The following TSPYL2 variants were observed in gnomAD, a reference collection of about 807,000 sequenced individuals.
The protein encoded by TSPYL2 is testis-specific Y-encoded-like protein 2.
In TSPYL2, 9 loss-of-function variants were observed where a neutral mutation model predicts 33.0. That is an observed-to-expected ratio of 0.27 (90% CI 0.16 to 0.48). The LOEUF (loss-of-function observed/expected upper bound fraction) is 0.48. Among genes scored for constraint, TSPYL2 ranks in the 20% least tolerant of loss-of-function variants. The pLI, the probability that TSPYL2 is intolerant of heterozygous loss-of-function variation, is 0.99. For missense variants in TSPYL2, 636 were observed against 586.2 expected, an observed-to-expected ratio of 1.08 and a Z score of -0.88; for synonymous variants, 330 against 233.6, an observed-to-expected ratio of 1.41 and a Z score of -3.77.
At position 53,086,102 on chromosome X, in the gene TSPYL2, TGATGAA is replaced by T; in HGVS notation, c.1714_1719del (p.Glu572_Asp573del). ...ACAATGAAGCAGATGAGGCCAGTGA[TGATGAA>T]GATAATGATGGCAACGAAGGTGACA... On this transcript the variant is annotated inframe_deletion, in exon 6 of 7. Transcript: ENST00000375442. 1 of 1,176,418 alleles carries T rather than the reference TGATGAA, an allele frequency of 8.5e-7. No individual in the cohort carries two copies. The highest frequency in any genetic ancestry group is 1.1e-6 in the Non-Finnish European group (1 of 877,816).
chrX:53,082,446 C>T lies in TSPYL2; in HGVS notation c.-53C>T. 3.7e-6 allele frequency: 4 copies of T among 1,080,597 alleles called. No homozygotes were observed. The South Asian group carries it at 8.8e-5, about 24-fold the overall frequency. The allele number at this position is 1,080,597 out of a possible 1,213,427, so 89.1% of individuals were successfully genotyped here. On this transcript the variant is annotated 5_prime_UTR_variant, in exon 1 of 7. Transcript: ENST00000375442. The stretch of plus-strand genomic sequence containing the variant: ...GGTGCGACTAGCGGCAGCGACGCGG[C>T]TAAAAGCGAAGGGGCGAGTGCGAGT...
At position 53,087,597 on chromosome X, in the gene TSPYL2, GGCTT is replaced by G. The variant is rs782044782; in HGVS notation, c.1919-173_1919-170del. 1.0e-3 allele frequency: 461 copies of G among 442,917 alleles called. 4 individuals carry two copies. The South Asian group carries it at 0.017, about 16-fold the overall frequency. The allele number at this position is 442,917 out of a possible 1,213,427, so 36.5% of individuals were successfully genotyped here. A position where few individuals can be genotyped will look rare whatever the true frequency, so the allele number is the denominator to read the frequency against. On this transcript the variant is annotated intron_variant, in intron 6 of 6. Transcript: ENST00000375442. Reference sequence around the variant, plus strand: ...CCCTCCATCTCCCTCTCATTCTGTGGGCTTGCTTGAGTACACCCACACACACTCT... The same window carrying G: ...CCCTCCATCTCCCTCTCATTCTGTGGGCTTGAGTACACCCACACACACTCT...
chrX:53,085,374 T>G (rs1932743047), intron 5 of TSPYL2, 53 bp downstream of exon 5: 7 of 1,026,535 alleles, frequency 6.8e-6, no homozygotes, highest in Non-Finnish European at 8.1e-6. Context: ...GGGAAAAGAC[T>G]AGTGTAACAC....
At chrX:53,083,519 G>A (rs782161985) in intron 1 of TSPYL2, among the ~76,000 whole-genome samples, 3 of 107,555 alleles carry the variant, frequency 2.8e-5, no homozygotes, top group African/African-American at 1.0e-4. Context: ...GTGGTGGAGG[G>A]GGGGCGGACA....
rs782332912 is a variant in TSPYL2, at chrX:53,085,826, C to T, written c.1434C>T (p.Asp478=). Residue 478 remains aspartate (D), a synonymous_variant, in exon 6 of 7, where the codon GAC becomes GAT. Coordinates refer to ENST00000375442, the MANE Select transcript of TSPYL2 (RefSeq NM_022117.4). ...EITDINENIC[D]SENPDHNEVP... Reference sequence around the variant, plus strand: ...CTGACATCAATGAGAACATCTGCGACAGCGAGAATCCTGACCACAATGAGG... The same window carrying T: ...CTGACATCAATGAGAACATCTGCGATAGCGAGAATCCTGACCACAATGAGG... 1.6e-5 allele frequency: 19 copies of T among 1,211,599 alleles called. No homozygotes were observed. Among genetic ancestry groups the T allele is most frequent in the South Asian group, 5.3e-5 (3 of 56,943 alleles).
intron 1 of TSPYL2, among the ~76,000 whole-genome samples, 192 bp from the exon 2 acceptor site, chrX:53,084,353 G>A (rs1932704978): frequency 8.9e-6 from 1 of 111,876 alleles, no homozygotes; most frequent in African/African-American, 3.3e-5. Context: ...CACCCTGTAG[G>A]GCCACCTAAC....
rs1556808548 is a variant in TSPYL2 at position 53,086,021 on chromosome X, C to T, written c.1629C>T (p.Phe543=). 5 of 1,174,682 alleles carry T rather than the reference C, an allele frequency of 4.3e-6. No homozygotes were observed. The highest frequency in any genetic ancestry group is 5.7e-6 in the Non-Finnish European group (5 of 876,791). Reference sequence around the variant, plus strand: ...ACGAGAACACTTACGGCAACAACTTCTTCAAAGGTGGCTTCTGGGGCAGCC... The same window carrying T: ...ACGAGAACACTTACGGCAACAACTTTTTCAAAGGTGGCTTCTGGGGCAGCC... ...NNNENTYGNN[F]FKGGFWGSHG... The change falls in exon 6 of 7, where the codon TTC becomes TTT. Residue 543 remains phenylalanine, a synonymous_variant. Coordinates refer to ENST00000375442, the MANE Select transcript of TSPYL2 (RefSeq NM_022117.4).
chrX:53,085,031 G>T lies in TSPYL2; in HGVS notation c.1075G>T (p.Asp359Tyr). 8.3e-7 allele frequency: 1 copy of T among 1,211,645 alleles called. No homozygotes were observed. The change falls in exon 4 of 7, where the codon GAT (aspartate) becomes TAT (tyrosine). Residue 359 changes from aspartate (D) to tyrosine (Y), a missense_variant. Around this residue, in one of 3 missense-constraint regions of TSPYL2, gnomAD observed 401 missense variants for 363.0 expected, o/e 1.10. Transcript: ENST00000375442. ...CCAGGCCCGTCGTCACGGGAACCAG[G>T]ATGCGAGCCACAGCTTTTTCAGCTG... is the stretch of plus-strand genomic sequence containing the variant. ...EPQARRHGNQ[D>Y]ASHSFFSWFS... is the part of the protein sequence containing the mutation.
chrX:53,085,078 A>G lies in TSPYL2; in HGVS notation c.1122A>G (p.Pro374=). Residue 374 remains proline, a synonymous_variant, in exon 4 of 7, where the codon CCA becomes CCG. Coordinates refer to ENST00000375442, the MANE Select transcript of TSPYL2 (RefSeq NM_022117.4). ...GCTGGTTCTCAAACCATAGCCTCCC[A>G]GAGGCTGACAGGATTGCTGAGGTGG... ...FFSWFSNHSL[P]EADRIAEIIK... 1.7e-6 allele frequency: 2 copies of G among 1,208,902 alleles called. No homozygotes were observed. The highest frequency in any genetic ancestry group is 3.5e-5 in the South Asian group (2 of 56,543).
At position 53,082,879 on chromosome X, in the gene TSPYL2, C is replaced by T. The variant is rs782528598; in HGVS notation, c.381C>T (p.Ser127=). Residue 127 remains serine (S), a synonymous_variant, in exon 1 of 7, where the codon AGC becomes AGT. Coordinates refer to ENST00000375442, the MANE Select transcript of TSPYL2 (RefSeq NM_022117.4). ...CCACTCCTGAGGCCTCGGGGGGGAGCCTGGAAATCGATTTTCAGGTTGTAC... is the reference window on the plus strand; with the variant it reads ...CCACTCCTGAGGCCTCGGGGGGGAGTCTGGAAATCGATTTTCAGGTTGTAC... ...ALPTPEASGG[S]LEIDFQVVQS... is the part of the protein sequence containing the mutation. 17 of 1,208,204 alleles carry T rather than the reference C, an allele frequency of 1.4e-5. No homozygotes were observed. The South Asian group carries it at 2.7e-4, about 19-fold the overall frequency.
At chrX:53,087,296 G>A (rs1721987185) in intron 6 of TSPYL2, 1 of 94,532 alleles carries the variant, frequency 1.1e-5, no homozygotes, top group Non-Finnish European at 1.9e-5. Flanking sequence ...CCCACCTGAT[G>A]GCATCTCTTT....
intron 6 of TSPYL2, chrX:53,086,934 T>C (rs1367194846): frequency 1.7e-5 from 2 of 118,559 alleles, no homozygotes; most frequent in Admixed American, 8.1e-5. Flanking sequence ...TCCAAAATTA[T>C]GTCCTGAGGA....
At position 53,088,217 on chromosome X, in the gene TSPYL2, T is replaced by G; in HGVS notation, c.*278T>G. The G allele has an allele frequency of 1.6e-5, 5 of 307,573 alleles. No individual in the cohort carries two copies. Among genetic ancestry groups the G allele is most frequent in the South Asian group, 6.7e-5 (1 of 14,835 alleles). 25.3% of individuals were successfully genotyped at this position (307,573 alleles called of 1,213,427 possible). On this transcript the variant is annotated 3_prime_UTR_variant, in exon 7 of 7. Coordinates refer to ENST00000375442, the MANE Select transcript of TSPYL2 (RefSeq NM_022117.4). ...TGTGATGCCTTGGTCAGGGCCCCTC[T>G]ACCCACTTCTCCCAGTCAGTTGTGG...
At position 53,085,212 on chromosome X, in the gene TSPYL2, C is replaced by A; in HGVS notation, c.1144-15C>A. 1 of 1,193,173 alleles carries A rather than the reference C, an allele frequency of 8.4e-7. No individual in the cohort carries two copies. Among genetic ancestry groups the A allele is most frequent in the African/African-American group, 1.8e-5 (1 of 56,516 alleles). ...TACTAATGGCTGTCTTATTCCTTCT[C>A]CCCTTTTTCAACAGATTATCAAGAA... On this transcript the variant is annotated splice_polypyrimidine_tract_variant and intron_variant, in intron 4 of 6. Coordinates refer to ENST00000375442, the MANE Select transcript of TSPYL2 (RefSeq NM_022117.4).
At position 53,083,272 on chromosome X, in the gene TSPYL2, C is replaced by T. The variant is rs141332236; in HGVS notation, c.774C>T (p.Ile258=). Residue 258 remains isoleucine (I), a synonymous_variant, in exon 1 of 7, where the codon ATC becomes ATT. Transcript: ENST00000375442. ...CCTTCCTGGAGCGCAGAGACCTCAT[C>T]ATCCAGCATATCCCAGGCTTCTGGG... ...RRPFLERRDL[I]IQHIPGFWVK... 1.7e-5 allele frequency: 20 copies of T among 1,207,755 alleles called. No individual in the cohort carries two copies. The highest frequency in any genetic ancestry group is 7.1e-5 in the African/African-American group (4 of 56,576).
Position 53,083,092 on chromosome X carries a change from G to A in TSPYL2, c.594G>A (p.Arg198=), listed in dbSNP as rs1932665279. 1.7e-6 allele frequency: 2 copies of A among 1,209,131 alleles called. No homozygotes were observed. The highest frequency in any genetic ancestry group is 3.0e-5 in the East Asian group (1 of 33,791). The stretch of plus-strand genomic sequence containing the variant: ...GGCGGCGGCGGAGGAGGAAGCAGAG[G>A]AAGGTGAAGAGGGAAAGCAGAGAGA... The part of the protein sequence containing the change: ...RRRRRRRRKQ[R]KVKRESRERN... The change falls in exon 1 of 7, where the codon AGG becomes AGA. Residue 198 remains arginine (R), a synonymous_variant. Coordinates refer to ENST00000375442, the MANE Select transcript of TSPYL2 (RefSeq NM_022117.4).
chrX:53,083,125 C>A lies in TSPYL2; in HGVS notation c.627C>A (p.Ala209=). The A allele has an allele frequency of 8.3e-7, 1 of 1,210,451 alleles. No individual in the cohort carries two copies. The highest frequency in any genetic ancestry group is 1.7e-5 in the African/African-American group (1 of 57,429). The change falls in exon 1 of 7, where the codon GCC becomes GCA. Residue 209 remains alanine, a synonymous_variant. Coordinates refer to ENST00000375442, the MANE Select transcript of TSPYL2 (RefSeq NM_022117.4). ...KVKRESRERN[A]ERMESILQAL... Reference sequence around the variant, plus strand: ...AGAGGGAAAGCAGAGAGAGAAATGCCGAGAGGATGGAGAGCATCCTGCAGG... The same window carrying A: ...AGAGGGAAAGCAGAGAGAGAAATGCAGAGAGGATGGAGAGCATCCTGCAGG...
rs374768603 is a variant in TSPYL2 at position 53,087,962 on chromosome X, A to C, written c.*23A>C. On this transcript the variant is annotated 3_prime_UTR_variant, in exon 7 of 7. Transcript: ENST00000375442. ...TAAGGGTTTTCCCCTTTTGGGGATC[A>C]CCTCTCTGTATCCCCCACCCACTAT... 8.3e-7 allele frequency: 1 copy of C among 1,199,411 alleles called. No homozygotes were observed.
rs1374817818 is a variant in TSPYL2, at chrX:53,082,458, G to T, written c.-41G>T. 1.8e-6 allele frequency: 2 copies of T among 1,100,456 alleles called. No homozygotes were observed. Among genetic ancestry groups the T allele is most frequent in the Admixed American group, 3.4e-5 (1 of 29,749 alleles). The allele number at this position is 1,100,456 out of a possible 1,213,427, so 90.7% of individuals were successfully genotyped here. A position where few individuals can be genotyped will look rare whatever the true frequency, so the allele number is the denominator to read the frequency against. ...GGCAGCGACGCGGCTAAAAGCGAAGGGGCGAGTGCGAGTCCCCTGAGCTGT... is the reference window on the plus strand; with the variant it reads ...GGCAGCGACGCGGCTAAAAGCGAAGTGGCGAGTGCGAGTCCCCTGAGCTGT... On this transcript the variant is annotated 5_prime_UTR_variant, in exon 1 of 7. Transcript: ENST00000375442.
Sources: allele counts gnomAD v4.1 joint callset (sites outside exome capture counted in the v4.1 genomes callset), GRCh38; gene constraint gnomAD v4.1.1; regional missense constraint gnomAD v4.1.1; transcripts MANE v1.5; gene names NCBI Gene and HGNC (gene_info 2026-07-23, HGNC 2026-07-21).